Variants in OSBP2 observed in about 807,000 individuals in gnomAD.
OSBP2 encodes the protein oxysterol binding protein 2.
In OSBP2, 66 loss-of-function variants were observed where a neutral mutation model predicts 96.0. That is an observed-to-expected ratio of 0.69 (90% CI 0.56 to 0.84). OSBP2 has a LOEUF of 0.84. Ranked by LOEUF, OSBP2 falls within the 40% of genes least tolerant of loss-of-function variation. OSBP2 has a pLI of 0.00. For synonymous variants in OSBP2, 525 were observed against 520.9 expected (o/e 1.01, Z -0.11); for missense variants, 1,038 against 1,222.7 (o/e 0.85, Z 2.25).
intron 3 of OSBP2, among the ~76,000 whole-genome samples, chr22:30,873,234 C>T (rs1220147986): frequency 1.3e-5 from 2 of 152,156 alleles, no homozygotes; most frequent in Non-Finnish European, 2.9e-5. Context: ...TGATGGCCCT[C>T]ATTCTCTCAT....
chr22:30,769,226 G>A (rs568728494), intron 2 of OSBP2, among the ~76,000 whole-genome samples: 1 of 152,360 alleles, frequency 6.6e-6, no homozygotes, highest in African/African-American at 2.4e-5. Context: ...TGGCGTTGCT[G>A]TTGAGTCACT....
intron 3 of OSBP2, among the ~76,000 whole-genome samples, chr22:30,873,696 C>G (rs2039510579): frequency 6.6e-6 from 1 of 152,204 alleles, no homozygotes; most frequent in Non-Finnish European, 1.5e-5. Flanking sequence ...CCACTGGCTC[C>G]TCGGACAGGG....
intron 2 of OSBP2, among the ~76,000 whole-genome samples, chr22:30,812,938 CT>C (rs34442290): frequency 0.1 from 15,338 of 152,096 alleles, 874 homozygotes; most frequent in East Asian, 0.21. Context: ...GCCATTGTTA[CT>C]CTGGATATTT....
chr22:30,795,561 C>T (rs183487006), intron 2 of OSBP2, among the ~76,000 whole-genome samples: 2 of 144,926 alleles, frequency 1.4e-5, no homozygotes, highest in African/African-American at 5.2e-5. Flanking sequence ...CTCTTGTTGC[C>T]CAGGCTGTAG....
At chr22:30,739,889 G>A (rs2089913760) in intron 1 of OSBP2, among the ~76,000 whole-genome samples, 1 of 152,026 alleles carries the variant, frequency 6.6e-6, no homozygotes, top group South Asian at 2.1e-4. Flanking sequence ...GCCCAGGCTG[G>A]AGTGCAGTGG....
chr22:30,848,932 G>A (rs1398393871), intron 2 of OSBP2, among the ~76,000 whole-genome samples: 1 of 152,140 alleles, frequency 6.6e-6, no homozygotes, highest in Admixed American at 6.6e-5. Flanking sequence ...ATATCTAGAA[G>A]TGGAATTATA....
At chr22:30,872,342 C>T (rs1403702714) in intron 3 of OSBP2, 5 of 456,526 alleles carry the variant, frequency 1.1e-5, no homozygotes, top group South Asian at 4.6e-5. Flanking sequence ...GGCACTGCCT[C>T]CCTACCCGAG....
At chr22:30,779,586 C>T (rs1230217289) in intron 2 of OSBP2, among the ~76,000 whole-genome samples, 1 of 152,152 alleles carries the variant, frequency 6.6e-6, no homozygotes, top group Non-Finnish European at 1.5e-5. Flanking sequence ...ACATTCCTGC[C>T]TCAGCCACTT....
At chr22:30,734,548 C>T (rs2089823930) in intron 1 of OSBP2, among the ~76,000 whole-genome samples, 1 of 152,132 alleles carries the variant, frequency 6.6e-6, no homozygotes, top group Non-Finnish European at 1.5e-5. Flanking sequence ...CCAGGACTCA[C>T]AGTGGGAGAA....
intron 1 of OSBP2, among the ~76,000 whole-genome samples, chr22:30,705,281 TTTGTTGTTGTTGTTG>T (rs58817033): frequency 2.5e-4 from 37 of 150,504 alleles, no homozygotes; most frequent in African/African-American, 9.1e-4. Context: ...CCCCAGTATT[TTTGTTGTTGTTGTTG>T]TTGTTGTTGT....
chr22:30,890,679 C>G lies in OSBP2; in HGVS notation c.1624-49C>G. On this transcript the variant is annotated intron_variant, in intron 7 of 13. Coordinates refer to ENST00000332585, the MANE Select transcript of OSBP2 (RefSeq NM_030758.4). The surrounding 1 kb of genome is among the most constrained non-coding windows in gnomAD (Gnocchi z 4.4). ...ATCCGAGAAAAGCAAGGGCACCATGCCAAGCCGGGGCTGGTGCCCAGCCTG... is the reference window on the plus strand; with the variant it reads ...ATCCGAGAAAAGCAAGGGCACCATGGCAAGCCGGGGCTGGTGCCCAGCCTG... 6.3e-7 allele frequency: 1 copy of G among 1,598,414 alleles called. No individual in the cohort carries two copies. Among genetic ancestry groups the G allele is most frequent in the Non-Finnish European group, 8.5e-7 (1 of 1,174,580 alleles).
chr22:30,782,160 A>G (rs945686940), intron 2 of OSBP2, among the ~76,000 whole-genome samples: 3 of 152,152 alleles, frequency 2.0e-5, no homozygotes, highest in Non-Finnish European at 2.9e-5. Flanking sequence ...TCAAAAAATC[A>G]TAACTGGCAA....
chr22:30,852,488 TC>T (rs1377520159), intron 2 of OSBP2, among the ~76,000 whole-genome samples: 2 of 152,002 alleles, frequency 1.3e-5, no homozygotes, highest in East Asian at 1.9e-4. Context: ...ATAATAATGT[TC>T]CTTCTTTCAT....
At chr22:30,875,457 C>T (rs1041553245) in intron 3 of OSBP2, among the ~76,000 whole-genome samples, 1 of 151,978 alleles carries the variant, frequency 6.6e-6, no homozygotes, top group Non-Finnish European at 1.5e-5. Context: ...ACCACAACCT[C>T]GGCCTCCCAG....
At chr22:30,744,200 A>G (rs1336132211) in intron 2 of OSBP2, among the ~76,000 whole-genome samples, 3 of 152,208 alleles carry the variant, frequency 2.0e-5, no homozygotes, top group African/African-American at 7.2e-5. Context: ...GTTAAAGGCA[A>G]GGTCCTCCTC....
rs758567430 is a variant in OSBP2, at chr22:30,695,179, G to T, written c.270G>T (p.Pro90=). 3 of 1,612,072 alleles carry T rather than the reference G, an allele frequency of 1.9e-6. No individual in the cohort carries two copies. The highest frequency in any genetic ancestry group is 2.5e-6 in the Non-Finnish European group (3 of 1,178,850). The change falls in exon 1 of 14, where the codon CCG becomes CCT. Residue 90 remains proline, a synonymous_variant. Coordinates refer to ENST00000332585, the MANE Select transcript of OSBP2 (RefSeq NM_030758.4). ...CTGTGTCCGAGACGACGTCTGAGCC[G>T]GAGCCAGGGGCTGGGCAGCCATCGG... ...SEPVSETTSE[P]EPGAGQPSEL...
Position 30,888,301 on chromosome 22 carries a change from C to T in OSBP2, c.1379C>T (p.Thr460Ile), listed in dbSNP as rs917130929. Reference sequence around the variant, plus strand: ...TACTTTGATGCCATGGAAGACTCCACATCCTTCATCACCGTGATCACCGAG... The same window carrying T: ...TACTTTGATGCCATGGAAGACTCCATATCCTTCATCACCGTGATCACCGAG... ...TEYFDAMEDS[T>I]SFITVITEAK... Residue 460 changes from threonine to isoleucine, a missense_variant, in exon 5 of 14, where the codon ACA (threonine) becomes ATA (isoleucine). Thr to Ile is a moderately conservative substitution (Grantham distance 89). Around this residue, in one of 3 missense-constraint regions of OSBP2, gnomAD observed 737 missense variants for 913.3 expected, o/e 0.81. Transcript: ENST00000332585. 2.2e-5 allele frequency: 36 copies of T among 1,613,380 alleles called. No homozygotes were observed. The highest frequency in any genetic ancestry group is 2.9e-5 in the Non-Finnish European group (34 of 1,179,488).
chr22:30,876,890 G>A (rs568893263), intron 3 of OSBP2, among the ~76,000 whole-genome samples: 5 of 152,262 alleles, frequency 3.3e-5, no homozygotes, highest in Non-Finnish European at 5.9e-5. Context: ...CATTATGGTA[G>A]AGAAATAAAC....
In OSBP2 at chr22:30,811,164, A is replaced by ACCC. The variant is rs136249; in HGVS notation, c.854-59257_854-59255dup. Among the ~76,000 whole-genome samples, 49 of 136,982 alleles carry ACCC rather than the reference A, an allele frequency of 3.6e-4. 1 individual carries two copies. Among genetic ancestry groups the ACCC allele is most frequent in the South Asian group, 7.9e-4 (3 of 3,814 alleles). The allele number at this position is 136,982 out of a possible 152,430, so 89.9% of individuals were successfully genotyped here. ...TTACAAAGCCATATAAGTATACACA[A>ACCC]CCCCCCCCCCACACATACATATATA... On this transcript the variant is annotated intron_variant, in intron 2 of 13. Transcript: ENST00000332585.
Sources: gnomAD v4.1 joint callset for allele counts (sites outside exome capture counted in the v4.1 genomes callset) on GRCh38, gnomAD v4.1.1 for gene constraint, gnomAD v4.1.1 regional missense constraint, Gnocchi (gnomAD v3.1) non-coding constraint, MANE v1.5 for transcripts, NCBI Gene and HGNC (gene_info 2026-07-23, HGNC 2026-07-21) for gene names.